The following GRIP1 variants were observed in gnomAD, a reference collection of about 807,000 sequenced individuals.
The protein encoded by GRIP1 is glutamate receptor-interacting protein 1.
A neutral mutation model predicts 129.9 loss-of-function variants in GRIP1; 45 were observed. The ratio of observed to expected loss-of-function variants is 0.35; its 90% CI spans 0.27 to 0.44. The LOEUF (loss-of-function observed/expected upper bound fraction) is 0.44. Ranked by LOEUF, GRIP1 falls within the 20% of genes least tolerant of loss-of-function variation. GRIP1 has a pLI of 1.00. For missense variants in GRIP1, 1,196 were observed against 1,396.8 expected (o/e 0.86, Z 2.29); for synonymous variants, 530 against 520.8 (o/e 1.02, Z -0.24).
chr12:66,517,404 A>G (rs940371668), intron 6 of GRIP1, among the ~76,000 whole-genome samples: 1 of 151,816 alleles, frequency 6.6e-6, no homozygotes, highest in Admixed American at 6.5e-5. Context: ...AGTCACTTCC[A>G]TTCTGACCTA....
intron 1 of GRIP1, among the ~76,000 whole-genome samples, chr12:67,011,758 T>C (rs182439960): frequency 4.1e-4 from 62 of 152,290 alleles, no homozygotes; most frequent in Non-Finnish European, 5.3e-4. Context: ...TTTATTCACA[T>C]ATTTGAGAAT....
chr12:66,744,621 C>T (rs1433629313), intron 1 of GRIP1, among the ~76,000 whole-genome samples: 1 of 152,112 alleles, frequency 6.6e-6, no homozygotes, highest in Non-Finnish European at 1.5e-5. Context: ...ACATGTTAAC[C>T]TTTCATTGCC....
At chr12:66,528,266 C>T (rs925587520) in intron 5 of GRIP1, among the ~76,000 whole-genome samples, 2 of 151,712 alleles carry the variant, frequency 1.3e-5, no homozygotes, top group East Asian at 3.9e-4. Context: ...TCCTGAGTAG[C>T]TGGGACTACA....
At position 66,992,642 on chromosome 12, in the gene GRIP1, G is replaced by A. The variant is rs151323717; in HGVS notation, c.58+76408C>T. On this transcript the variant is annotated intron_variant, in intron 1 of 1. Coordinates refer to the GRIP1 transcript ENST00000643019. ...TCAAGTGCACACAGAGCATTCTCCA[G>A]GCTAGACCATATGGTAGGCCATAAA... is the stretch of plus-strand genomic sequence containing the variant. Among the ~76,000 whole-genome samples, 240 of 152,192 alleles carry A rather than the reference G, an allele frequency of 1.6e-3. 4 individuals carry two copies. In the East Asian group the frequency reaches 0.034, roughly 22 times the overall value.
chr12:67,026,251 T>C (rs929923011), intron 1 of GRIP1, among the ~76,000 whole-genome samples: 23 of 152,216 alleles, frequency 1.5e-4, no homozygotes, highest in Admixed American at 1.5e-3. Context: ...AGAAAACAAA[T>C]GTCATGCCTA....
At chr12:66,433,359 A>G (rs1298747691) in intron 13 of GRIP1, among the ~76,000 whole-genome samples, 3 of 152,214 alleles carry the variant, frequency 2.0e-5, no homozygotes, top group Non-Finnish European at 4.4e-5. Context: ...GACCCAGCAG[A>G]TTCCAACTAC....
chr12:66,533,622 G>A (rs1320662522), intron 4 of GRIP1, among the ~76,000 whole-genome samples: 1 of 152,088 alleles, frequency 6.6e-6, no homozygotes, highest in Non-Finnish European at 1.5e-5. Flanking sequence ...TCCGGCCTGG[G>A]TGACAAGAGC....
At chr12:66,854,119 G>A (rs911083668) in intron 1 of GRIP1, among the ~76,000 whole-genome samples, 5 of 151,992 alleles carry the variant, frequency 3.3e-5, no homozygotes, top group Admixed American at 2.0e-4. Context: ...ATAAGGTACA[G>A]TTTGCACCTT....
chr12:66,454,477 G>C (rs981965687), intron 11 of GRIP1, among the ~76,000 whole-genome samples: 1 of 152,206 alleles, frequency 6.6e-6, no homozygotes, highest in Non-Finnish European at 1.5e-5. Context: ...GGTCTAGTTA[G>C]AAAGGTCAGT....
At chr12:66,519,704 A>G (rs919252826) in intron 5 of GRIP1, among the ~76,000 whole-genome samples, 3 of 152,200 alleles carry the variant, frequency 2.0e-5, no homozygotes, top group Admixed American at 2.0e-4. Flanking sequence ...GATATTCTCA[A>G]TCCTGGTGTA....
chr12:66,616,123 G>C (rs1228795873), intron 1 of GRIP1, among the ~76,000 whole-genome samples: 1 of 152,090 alleles, frequency 6.6e-6, no homozygotes, highest in Non-Finnish European at 1.5e-5. Context: ...GTATAGCTGT[G>C]TCTTATTATC....
intron 1 of GRIP1, among the ~76,000 whole-genome samples, chr12:66,598,669 A>T (rs1015897011): frequency 2.0e-5 from 3 of 152,226 alleles, no homozygotes; most frequent in African/African-American, 7.2e-5. Context: ...ACTATGTATT[A>T]AAACCTGGGA....
intron 1 of GRIP1, among the ~76,000 whole-genome samples, chr12:66,825,409 T>C (rs933913148): frequency 6.6e-6 from 1 of 152,188 alleles, no homozygotes; most frequent in African/African-American, 2.4e-5. Flanking sequence ...ACAAAGGGCA[T>C]TAGCTGCCTT....
chr12:66,707,635 G>A (rs1361321228), intron 1 of GRIP1, among the ~76,000 whole-genome samples: 6 of 151,670 alleles, frequency 4.0e-5, no homozygotes, highest in African/African-American at 7.3e-5. Context: ...TTTTGCAAGT[G>A]GGGGAAAAGA....
chr12:66,972,390 T>A (rs966405006), intron 1 of GRIP1, among the ~76,000 whole-genome samples: 9 of 152,210 alleles, frequency 5.9e-5, no homozygotes, highest in Non-Finnish European at 1.2e-4. Context: ...TGCCTTGCCA[T>A]AATTCACTCT....
At chr12:66,718,164 G>A (rs2035950425) in intron 1 of GRIP1, among the ~76,000 whole-genome samples, 1 of 152,108 alleles carries the variant, frequency 6.6e-6, no homozygotes, top group Non-Finnish European at 1.5e-5. Context: ...CGGCTGCAAT[G>A]ATGTCATTCA....
At chr12:66,924,275 A>C (rs1471781148) in intron 1 of GRIP1, among the ~76,000 whole-genome samples, 3 of 152,344 alleles carry the variant, frequency 2.0e-5, no homozygotes, top group Non-Finnish European at 4.4e-5. Context: ...TGTCAATATC[A>C]CCACAATGCA....
At chr12:66,465,644 T>C (rs2138355945) in intron 7 of GRIP1, among the ~76,000 whole-genome samples, 1 of 152,360 alleles carries the variant, frequency 6.6e-6, no homozygotes, top group African/African-American at 2.4e-5. Context: ...GTATGTGTAA[T>C]GTTCATCTCT....
At chr12:66,755,858 G>A (rs11176408) in intron 1 of GRIP1, among the ~76,000 whole-genome samples, 29,529 of 152,122 alleles carry the variant, frequency 0.19, 2,979 homozygotes, top group Middle Eastern at 0.29. Context: ...CACTGTTGTG[G>A]AGTGTGGTTC....
Sources: allele counts gnomAD v4.1 joint callset (sites outside exome capture counted in the v4.1 genomes callset), GRCh38; gene constraint gnomAD v4.1.1; transcripts MANE v1.5; gene names NCBI Gene and HGNC (gene_info 2026-07-23, HGNC 2026-07-21).